PRELID2: variants seen among roughly 807,000 people sequenced by gnomAD.
The protein encoded by PRELID2 is PRELI domain containing 2, also known as PRELI domain-containing protein 2.
A neutral mutation model predicts 28.4 loss-of-function variants in PRELID2; 25 were observed. The ratio of observed to expected loss-of-function variants is 0.88; its 90% confidence interval spans 0.64 to 1.23. PRELID2 has a LOEUF of 1.23. Ranked by LOEUF, PRELID2 falls within the 50% of genes most tolerant of loss-of-function variation. The pLI is 0.00. For missense variants in PRELID2, 201 were observed against 214.4 expected (o/e 0.94, Z 0.39); for synonymous variants, 76 against 71.6 (o/e 1.06, Z -0.31).
At chr5:145,526,271 GTCTAGAGCAACCTGATT>G (rs1321222907) in intron 1 of PRELID2, among the ~76,000 whole-genome samples, 2 of 152,310 alleles carry the variant, frequency 1.3e-5, no homozygotes, top group African/African-American at 4.8e-5. Flanking sequence ...TGGGATTTAA[GTCTAGAGCAACCTGATT>G]TCAGAACCCA....
At chr5:145,450,024 G>A in the PRELID2 span, among the ~76,000 whole-genome samples, 2 of 152,074 alleles carry the variant, frequency 1.3e-5, no homozygotes, top group East Asian at 1.9e-4. Context: ...AAATAAAAAC[G>A]AAATGCAAAC....
rs756093571 is a variant in PRELID2 at position 145,638,998 on chromosome 5, GA to G, written n.70+125932del. 1.4e-4 allele frequency among the ~76,000 whole-genome samples: 22 copies of G among 152,318 alleles called. No individual in the cohort carries two copies. The East Asian group carries it at 3.3e-3, about 23-fold the overall frequency. On this transcript the variant is annotated intron_variant and non_coding_transcript_variant, in intron 1 of 2. Transcript: ENST00000510259. ...GTTTTAGATCTTAAATGGTGTTTTA[GA>G]CCTGGATTAGGTATTTTGGACCTAA...
chr5:145,810,018 A>T (rs1358936628), intron 4 of PRELID2, among the ~76,000 whole-genome samples: 2 of 152,240 alleles, frequency 1.3e-5, no homozygotes, highest in Non-Finnish European at 2.9e-5. Flanking sequence ...ATATATTTTA[A>T]AGACCAGACA....
intron 5 of PRELID2, among the ~76,000 whole-genome samples, chr5:145,768,338 C>T (rs995128286): frequency 1.3e-5 from 2 of 152,018 alleles, no homozygotes; most frequent in East Asian, 1.9e-4. Context: ...CATTGTGCCC[C>T]TTTTCGTTCT....
chr5:145,242,853 T>G, the PRELID2 span, among the ~76,000 whole-genome samples: 2 of 152,082 alleles, frequency 1.3e-5, no homozygotes, highest in African/African-American at 2.4e-5. Flanking sequence ...TCTAGGCTAA[T>G]AAAGTGATTT....
chr5:145,752,385 G>T (rs11952224), downstream of PRELID2, among the ~76,000 whole-genome samples: 5,256 of 152,172 alleles, frequency 0.035, 224 homozygotes, highest in East Asian at 0.093. Flanking sequence ...TAATGCAATC[G>T]GAAACCATAA....
At chr5:145,588,040 A>T (rs936635548) in intron 1 of PRELID2, among the ~76,000 whole-genome samples, 2 of 152,160 alleles carry the variant, frequency 1.3e-5, no homozygotes, top group African/African-American at 4.8e-5. Flanking sequence ...ATGCTGCCAG[A>T]TGAAGCAAGA....
In PRELID2 at chr5:145,594,119, T is replaced by C. The variant is rs1338861492; in HGVS notation, n.71-120804A>G. Among the ~76,000 whole-genome samples the C allele has an allele frequency of 2.0e-5, 3 of 152,182 alleles. 1 individual carries two copies. In the East Asian group the frequency reaches 5.8e-4, roughly 29 times the overall value. On this transcript the variant is annotated intron_variant and non_coding_transcript_variant, in intron 1 of 2. Transcript: ENST00000510259. Reference sequence around the variant, plus strand: ...GGAAAGATGGGCTGTGAGATTCTGATTTTTAACCCTTGATAAGCATCCATA... The same window carrying C: ...GGAAAGATGGGCTGTGAGATTCTGACTTTTAACCCTTGATAAGCATCCATA...
At chr5:145,806,413 T>A (rs906414077) in intron 4 of PRELID2, among the ~76,000 whole-genome samples, 1 of 152,178 alleles carries the variant, frequency 6.6e-6, no homozygotes, top group African/African-American at 2.4e-5. Flanking sequence ...CACCTCCATA[T>A]CTTATCCCAC....
At chr5:145,254,167 A>G in the PRELID2 span, among the ~76,000 whole-genome samples, 2 of 152,200 alleles carry the variant, frequency 1.3e-5, no homozygotes, top group African/African-American at 4.8e-5. Flanking sequence ...AAATTCATGA[A>G]TAATGAGGAT....
At chr5:145,416,706 C>T in the PRELID2 span, among the ~76,000 whole-genome samples, 2 of 151,984 alleles carry the variant, frequency 1.3e-5, no homozygotes, top group African/African-American at 4.8e-5. Context: ...AGAAAGATCT[C>T]AAGTTAACAA....
At chr5:145,741,568 T>C (rs1274921070) in intron 1 of PRELID2, among the ~76,000 whole-genome samples, 1 of 48,436 alleles carries the variant, frequency 2.1e-5, no homozygotes, top group Non-Finnish European at 4.0e-5. Flanking sequence ...ATATATAAAA[T>C]TTATTTATAA....
At chr5:145,765,568 T>C (rs1209772839) in intron 5 of PRELID2, among the ~76,000 whole-genome samples, 1 of 152,152 alleles carries the variant, frequency 6.6e-6, no homozygotes, top group Non-Finnish European at 1.5e-5. Context: ...GACTGGTATG[T>C]ACAGCGGTAT....
chr5:145,246,541 T>TTTCC, the PRELID2 span, among the ~76,000 whole-genome samples: 29 of 151,804 alleles, frequency 1.9e-4, no homozygotes, highest in Non-Finnish European at 3.1e-4. Context: ...AATTATATTC[T>TTTCC]TTCCTTCCTT....
At position 145,549,281 on chromosome 5, in the gene PRELID2, A is replaced by G. The variant is rs193247158; in HGVS notation, n.71-75966T>C. 7.5e-4 allele frequency among the ~76,000 whole-genome samples: 114 copies of G among 152,300 alleles called. 1 individual carries two copies. The highest frequency in any genetic ancestry group is 2.7e-3 in the African/African-American group (112 of 41,562). On this transcript the variant is annotated intron_variant and non_coding_transcript_variant, in intron 1 of 2. Coordinates refer to the PRELID2 transcript ENST00000510259. ...AATTTTAATATCCCTACCTCTTAGGATAGTTTCTGGGACAAAGAGGGTATT... is the reference window on the plus strand; with the variant it reads ...AATTTTAATATCCCTACCTCTTAGGGTAGTTTCTGGGACAAAGAGGGTATT...
chr5:145,289,700 T>C, the PRELID2 span, among the ~76,000 whole-genome samples: 1 of 152,204 alleles, frequency 6.6e-6, no homozygotes, highest in Admixed American at 6.5e-5. Flanking sequence ...GGTAGTCTCA[T>C]TTTGCATCTG....
At chr5:145,491,186 T>C (rs961967249) in intron 1 of PRELID2, among the ~76,000 whole-genome samples, 1 of 152,208 alleles carries the variant, frequency 6.6e-6, no homozygotes, top group South Asian at 2.1e-4. Context: ...AACAAGAATT[T>C]ACTTCTTATA....
intron 1 of PRELID2, among the ~76,000 whole-genome samples, chr5:145,653,282 C>T (rs1332735124): frequency 5.3e-5 from 8 of 152,198 alleles, no homozygotes; most frequent in Non-Finnish European, 7.3e-5. Context: ...GAGACTTAGA[C>T]TCCCACACAA....
At chr5:145,373,841 TAA>T in the PRELID2 span, among the ~76,000 whole-genome samples, 12 of 94,488 alleles carry the variant, frequency 1.3e-4, no homozygotes, top group Admixed American at 2.7e-4. Context: ...ACAACATATA[TAA>T]TATATATGAT....
Sources: allele counts gnomAD v4.1 joint callset (sites outside exome capture counted in the v4.1 genomes callset), GRCh38; gene constraint gnomAD v4.1.1; transcripts MANE v1.5; gene names NCBI Gene and HGNC (gene_info 2026-07-23, HGNC 2026-07-21).